LYPLA1: variants seen among roughly 807,000 people sequenced by gnomAD.
LYPLA1 encodes the protein lysophospholipase 1.
In LYPLA1, 17 loss-of-function variants were observed where a neutral mutation model predicts 34.0. That is an observed-to-expected ratio of 0.50 (90% CI 0.34 to 0.75). The LOEUF is 0.75. Ranked by LOEUF, LYPLA1 falls within the 30% of genes least tolerant of loss-of-function variation. The probability of loss-of-function intolerance (pLI) is 0.01; values close to 1 mark genes in which losing one functional copy is unlikely to be tolerated. For synonymous variants in LYPLA1, 98 were observed against 100.8 expected (o/e 0.97, Z 0.17); for missense variants, 203 against 288.8 (o/e 0.70, Z 2.15).
chr8:54,085,626 C>T (rs1312191085), intron 2 of LYPLA1, among the ~76,000 whole-genome samples: 3 of 151,648 alleles, frequency 2.0e-5, no homozygotes, highest in South Asian at 2.1e-4. Context: ...TCTGCCTGGC[C>T]GCGACCCCGT....
intron 3 of LYPLA1, among the ~76,000 whole-genome samples, 175 bp downstream of exon 3, chr8:54,065,573 T>C (rs1807002756): frequency 6.6e-6 from 1 of 151,622 alleles, no homozygotes; most frequent in Non-Finnish European, 1.5e-5. Flanking sequence ...AAGAAAAAAA[T>C]CAATTTACCT....
chr8:54,058,616 GTCTCTC>G (rs113146082), intron 5 of LYPLA1, among the ~76,000 whole-genome samples: 9 of 148,782 alleles, frequency 6.0e-5, no homozygotes, highest in African/African-American at 9.8e-5. Flanking sequence ...CTCTGTCTCT[GTCTCTC>G]TCTCTCTCTC....
chr8:54,065,864 G>T, intron 2 of LYPLA1, 51 bp from the exon 3 acceptor site: 2 of 1,162,858 alleles, frequency 1.7e-6, no homozygotes, highest in Non-Finnish European at 2.6e-6. Context: ...TTAAATCCCA[G>T]TAAGTAAGTA....
chr8:54,063,388 GA>G lies in LYPLA1; in HGVS notation c.168-14del. ...AGGCCTAACAGGCCTACATGGAAAA[GA>G]AAAAACAACAAAATCAGAATAACAA... On this transcript the variant is annotated splice_polypyrimidine_tract_variant and intron_variant, in intron 3 of 8. Coordinates refer to ENST00000316963, the MANE Select transcript of LYPLA1 (RefSeq NM_006330.4). 6.6e-7 allele frequency: 1 copy of G among 1,513,222 alleles called. No individual in the cohort carries two copies. The highest frequency in any genetic ancestry group is 8.9e-7 in the Non-Finnish European group (1 of 1,122,234). The allele number at this position is 1,513,222 out of a possible 1,614,324, so 93.7% of individuals were successfully genotyped here.
intron 2 of LYPLA1, among the ~76,000 whole-genome samples, chr8:54,078,885 C>CA (rs200225238): frequency 1.5e-5 from 2 of 137,794 alleles, no homozygotes; most frequent in Non-Finnish European, 3.0e-5. Flanking sequence ...ACAACCCCCC[C>CA]CCTTTTTTTT....
At chr8:54,079,330 T>C (rs58948369) in intron 2 of LYPLA1, among the ~76,000 whole-genome samples, 30,600 of 152,040 alleles carry the variant, frequency 0.2, 4,377 homozygotes, top group East Asian at 0.74. Context: ...TTAACGTGCA[T>C]AGTTAGCTTT....
At chr8:54,049,518 C>G (rs1200674544) in intron 8 of LYPLA1, among the ~76,000 whole-genome samples, 2 of 152,148 alleles carry the variant, frequency 1.3e-5, no homozygotes, top group Admixed American at 6.6e-5. Flanking sequence ...CTCGCCTCAG[C>G]CTCTAGAGTA....
chr8:54,085,863 G>A (rs1462337206), intron 2 of LYPLA1, among the ~76,000 whole-genome samples: 14 of 146,954 alleles, frequency 9.5e-5, no homozygotes, highest in East Asian at 4.2e-4. Context: ...TGGGGGGGGC[G>A]CCTCTGCCCA....
intron 2 of LYPLA1, among the ~76,000 whole-genome samples, chr8:54,084,124 G>GGAAAAAAAAAAAAAAAAAAAAAA (rs1554547911): frequency 1.8e-5 from 1 of 56,356 alleles, no homozygotes; most frequent in African/African-American, 8.9e-5. Context: ...GGAGACCAAA[G>GGAAAAAAAAAAAAAAAAAAAAAA]AAAAAAAAAA....
intron 2 of LYPLA1, among the ~76,000 whole-genome samples, chr8:54,089,468 ACT>A (rs891298083): frequency 1.5e-5 from 2 of 131,534 alleles, no homozygotes; most frequent in East Asian, 2.9e-4. Context: ...AGGGTTTGGT[ACT>A]CTCTGTGATT....
At chr8:54,061,709 G>A (rs1806647929) in intron 5 of LYPLA1, among the ~76,000 whole-genome samples, 1 of 152,168 alleles carries the variant, frequency 6.6e-6, no homozygotes, top group Non-Finnish European at 1.5e-5. Context: ...TTGAGTTCAG[G>A]AGGTCAAGGC....
chr8:54,050,910 T>G (rs1805795208), intron 8 of LYPLA1, 102 bp downstream of exon 8: 9 of 1,212,710 alleles, frequency 7.4e-6, no homozygotes, highest in Non-Finnish European at 1.0e-5. Context: ...CAATATGAAT[T>G]AACTCATTTA....
chr8:54,062,168 A>C, intron 5 of LYPLA1, 86 bp downstream of exon 5: 1 of 998,330 alleles, frequency 1.0e-6, no homozygotes, highest in Non-Finnish European at 1.5e-6. Context: ...CAAATGTGTA[A>C]TTTTTAACCA....
In LYPLA1 at chr8:54,101,852, A is replaced by C. The variant is rs1810191160; in HGVS notation, c.-29T>G. 46 of 1,232,224 alleles carry C rather than the reference A, an allele frequency of 3.7e-5. No homozygotes were observed. The highest frequency in any genetic ancestry group is 4.5e-5 in the Non-Finnish European group (44 of 975,302). The allele number at this position is 1,232,224 out of a possible 1,614,324, so 76.3% of individuals were successfully genotyped here. A position where few individuals can be genotyped will look rare whatever the true frequency, so the allele number is the denominator to read the frequency against. On this transcript the variant is annotated 5_prime_UTR_variant, in exon 1 of 9. Coordinates refer to ENST00000316963, the MANE Select transcript of LYPLA1 (RefSeq NM_006330.4). ...CCGCCTCAGCTCACAGCGCAAGCGG[A>C]AGGAAGAGCGGGCGCCCGGCCGCGG...
chr8:54,087,893 G>A (rs767944871), intron 2 of LYPLA1, among the ~76,000 whole-genome samples: 2 of 152,164 alleles, frequency 1.3e-5, no homozygotes, highest in Non-Finnish European at 2.9e-5. Flanking sequence ...ACCGAACAAA[G>A]GAGACAGAGT....
intron 2 of LYPLA1, among the ~76,000 whole-genome samples, chr8:54,091,551 GAAGA>G (rs1809265181): frequency 8.1e-6 from 1 of 124,092 alleles, no homozygotes; most frequent in Non-Finnish European, 1.6e-5. Flanking sequence ...GAAAAGAAAA[GAAGA>G]AAGGAAGGAA....
rs777355617 is a variant in LYPLA1, at chr8:54,047,773, G to A, written c.*292C>T. The A allele has an allele frequency of 3.6e-6, 1 of 279,940 alleles. No homozygotes were observed. Among genetic ancestry groups the A allele is most frequent in the Admixed American group, 5.2e-5 (1 of 19,232 alleles). 17.3% of individuals were successfully genotyped at this position (279,940 alleles called of 1,614,324 possible). A position where few individuals can be genotyped will look rare whatever the true frequency, so the allele number is the denominator to read the frequency against. On this transcript the variant is annotated 3_prime_UTR_variant, in exon 9 of 9. Transcript: ENST00000316963. ...TTTCAAATGATGTAATAAAAAATCT[G>A]GTGGCAGTACTGTATTATTTTGCTG...
chr8:54,081,702 A>G (rs1586149785), intron 2 of LYPLA1, among the ~76,000 whole-genome samples: 2 of 148,470 alleles, frequency 1.3e-5, no homozygotes, highest in Admixed American at 1.3e-4. Flanking sequence ...GGCGTGCACC[A>G]CTGCGCCCAG....
chr8:54,076,544 G>A (rs1376915566), intron 2 of LYPLA1, among the ~76,000 whole-genome samples: 1 of 152,106 alleles, frequency 6.6e-6, no homozygotes, highest in Non-Finnish European at 1.5e-5. Context: ...CCGAAATCTG[G>A]CTATAAACTG....
Sources: allele counts gnomAD v4.1 joint callset (sites outside exome capture counted in the v4.1 genomes callset), GRCh38; gene constraint gnomAD v4.1.1; transcripts MANE v1.5; gene names NCBI Gene and HGNC (gene_info 2026-07-23, HGNC 2026-07-21).